Variants in KAZN observed in about 807,000 individuals in gnomAD.
KAZN encodes the protein kazrin, periplakin interacting protein, also known as kazrin.
A neutral mutation model predicts 87.4 loss-of-function variants in KAZN; 40 were observed. The observed-to-expected ratio is 0.46, with a 90% CI of 0.36 to 0.60. The LOEUF (loss-of-function observed/expected upper bound fraction) is 0.60, where lower values mean the gene tolerates loss of function less well. Among genes scored for constraint, KAZN ranks in the 20% least tolerant of loss-of-function variants. The pLI is 0.00. For synonymous variants in KAZN, 466 were observed against 458.3 expected, an observed-to-expected ratio of 1.02 and a Z score of -0.22; for missense variants, 898 against 1,073.9, an observed-to-expected ratio of 0.84 and a Z score of 2.29.
intron 1 of KAZN, among the ~76,000 whole-genome samples, chr1:13,975,103 C>T (rs1638260547): frequency 6.6e-6 from 1 of 152,188 alleles, no homozygotes; most frequent in South Asian, 2.1e-4. Flanking sequence ...GATGGGGACT[C>T]TGCTCTTAGA....
chr1:14,895,055 T>G (rs72638346), intron 1 of KAZN, among the ~76,000 whole-genome samples: 28,203 of 152,278 alleles, frequency 0.19, 3,109 homozygotes, highest in African/African-American at 0.29. Context: ...AGGCTGAGTT[T>G]TGGAAAGCGA....
At chr1:14,504,485 C>T (rs755067018) in intron 2 of KAZN, among the ~76,000 whole-genome samples, 81 of 152,132 alleles carry the variant, frequency 5.3e-4, no homozygotes, top group Non-Finnish European at 2.4e-4. Context: ...AGCGAGTTCT[C>T]GTCGGCAAAC....
At chr1:14,487,416 C>T (rs1016638407) in intron 2 of KAZN, among the ~76,000 whole-genome samples, 1 of 152,220 alleles carries the variant, frequency 6.6e-6, no homozygotes, top group South Asian at 2.1e-4. Flanking sequence ...AAATCTCCCT[C>T]TACCCACCTC....
intron 2 of KAZN, among the ~76,000 whole-genome samples, chr1:14,311,314 T>C (rs1655277880): frequency 6.6e-6 from 1 of 152,202 alleles, no homozygotes; most frequent in Admixed American, 6.5e-5. Flanking sequence ...ACCTGCACAA[T>C]GGCATAATAA....
chr1:14,919,469 G>GC (rs1479272717), intron 1 of KAZN, among the ~76,000 whole-genome samples: 2 of 152,178 alleles, frequency 1.3e-5, no homozygotes, highest in Admixed American at 1.3e-4. Flanking sequence ...GAGCCACCGC[G>GC]CCCCTCCCGA....
rs144937837 is a variant in KAZN at position 15,109,881 on chromosome 1, G to A, written c.2049-2546G>A. On this transcript the variant is annotated intron_variant, in intron 13 of 14. Coordinates refer to ENST00000376030, the MANE Select transcript of KAZN (RefSeq NM_201628.3). ...CGTGTATATATGTGTGTATGTGCAT[G>A]TGTGTGCTTGTGTGTATATGTGTTT... Among the ~76,000 whole-genome samples the A allele has an allele frequency of 2.1e-3, 323 of 151,896 alleles. 2 individuals are homozygous for A. The highest frequency in any genetic ancestry group is 7.3e-3 in the African/African-American group (303 of 41,406).
chr1:14,725,395 G>A (rs1643328603), intron 1 of KAZN, among the ~76,000 whole-genome samples: 1 of 151,378 alleles, frequency 6.6e-6, no homozygotes, highest in African/African-American at 2.4e-5. Flanking sequence ...ATTTATTTGT[G>A]TAATTCTTTA....
intron 1 of KAZN, among the ~76,000 whole-genome samples, chr1:14,151,540 G>T (rs1414866354): frequency 1.3e-5 from 2 of 152,132 alleles, no homozygotes; most frequent in Non-Finnish European, 2.9e-5. Flanking sequence ...TGTGTCTCCA[G>T]CTCTCATGCT....
At chr1:14,431,203 C>T (rs1304944227) in intron 2 of KAZN, among the ~76,000 whole-genome samples, 1 of 152,120 alleles carries the variant, frequency 6.6e-6, no homozygotes, top group African/African-American at 2.4e-5. Flanking sequence ...AAGGTATGGG[C>T]CACTTAGCAT....
At chr1:14,418,357 G>A (rs891651875) in intron 2 of KAZN, among the ~76,000 whole-genome samples, 8 of 152,162 alleles carry the variant, frequency 5.3e-5, no homozygotes, top group Non-Finnish European at 8.8e-5. Context: ...GATCAGTAAA[G>A]GAGATAATAT....
chr1:14,403,314 A>C lies in KAZN; in HGVS notation c.250-195669A>C, dbSNP rs972867660. Reference sequence around the variant, plus strand: ...GATGGATCAAAACCTAGATGCAAAAAGAAAACTTTAAATCTATTAGAAGAA... The same window carrying C: ...GATGGATCAAAACCTAGATGCAAAACGAAAACTTTAAATCTATTAGAAGAA... On this transcript the variant is annotated intron_variant, in intron 2 of 16. Transcript: ENST00000636203. Among the ~76,000 whole-genome samples the C allele has an allele frequency of 1.3e-5, 2 of 152,224 alleles. 1 individual carries two copies. The highest frequency in any genetic ancestry group is 2.9e-5 in the Non-Finnish European group (2 of 68,038).
intron 2 of KAZN, among the ~76,000 whole-genome samples, chr1:14,201,355 C>T (rs515603): frequency 0.53 from 80,469 of 152,048 alleles, 22,228 homozygotes; most frequent in Non-Finnish European, 0.62. Flanking sequence ...AAATCTGCAG[C>T]GAGCTGTTAA....
At chr1:15,045,436 C>T (rs928547973) in intron 4 of KAZN, among the ~76,000 whole-genome samples, 21 of 152,156 alleles carry the variant, frequency 1.4e-4, no homozygotes, top group Admixed American at 2.6e-4. Context: ...CCTTAAACAA[C>T]GCAGGGCTTA....
chr1:13,894,389 C>T (rs929725732), intron 1 of KAZN, among the ~76,000 whole-genome samples: 3 of 81,764 alleles, frequency 3.7e-5, no homozygotes, highest in African/African-American at 2.0e-4. Flanking sequence ...CTAGGATGCA[C>T]ATGTGGTCAC....
At chr1:14,722,360 T>A (rs1282834707) in intron 1 of KAZN, among the ~76,000 whole-genome samples, 1 of 152,202 alleles carries the variant, frequency 6.6e-6, no homozygotes. Context: ...ATCTTAAACA[T>A]TACAGCATTC....
intron 1 of KAZN, among the ~76,000 whole-genome samples, chr1:14,174,871 CTG>C (rs1172930306): frequency 1.3e-5 from 2 of 152,104 alleles, no homozygotes; most frequent in African/African-American, 4.8e-5. Flanking sequence ...GGTGGGAAAA[CTG>C]AGGGGTAAGT....
At chr1:14,325,712 T>G (rs991393036) in intron 2 of KAZN, among the ~76,000 whole-genome samples, 8 of 152,158 alleles carry the variant, frequency 5.3e-5, no homozygotes, top group Admixed American at 2.0e-4. Context: ...CTCAGCAAAC[T>G]TGACGTGGGT....
At chr1:15,089,928 A>G (rs1017006251) in intron 8 of KAZN, among the ~76,000 whole-genome samples, 2 of 152,134 alleles carry the variant, frequency 1.3e-5, no homozygotes, top group Non-Finnish European at 2.9e-5. Context: ...CTTGGGGGCT[A>G]TTTTAGAAAG....
At chr1:14,179,086 C>T (rs1435034986) in intron 1 of KAZN, among the ~76,000 whole-genome samples, 1 of 152,120 alleles carries the variant, frequency 6.6e-6, no homozygotes, top group Non-Finnish European at 1.5e-5. Context: ...TTCTTTCCTG[C>T]ACGTTTTTCT....
Sources: gnomAD v4.1 joint callset for allele counts (sites outside exome capture counted in the v4.1 genomes callset) on GRCh38, gnomAD v4.1.1 for gene constraint, MANE v1.5 for transcripts, NCBI Gene and HGNC (gene_info 2026-07-23, HGNC 2026-07-21) for gene names.